Variants in SV2B observed in about 807,000 individuals in gnomAD.
SV2B encodes the protein synaptic vesicle glycoprotein 2B, also known as solute carrier family 22 member B2.
In SV2B, 41 loss-of-function variants were observed where a neutral mutation model predicts 73.9. The ratio of observed to expected loss-of-function variants is 0.56; its 90% CI spans 0.43 to 0.72. The LOEUF (loss-of-function observed/expected upper bound fraction) is 0.72. Ranked by LOEUF, SV2B falls within the 30% of genes least tolerant of loss-of-function variation. The pLI is 0.00. For missense variants in SV2B, 764 were observed against 857.8 expected, an observed-to-expected ratio of 0.89 and a Z score of 1.37; for synonymous variants, 314 against 314.2, an observed-to-expected ratio of 1.00 and a Z score of 0.01.
chr15:91,128,162 C>T lies in SV2B; in HGVS notation c.-392+27799C>T, dbSNP rs1384908875. ...CACCCTCTGGGGACAAATCCCATCA[C>T]CAACTCAGCTCTTTGTGTAGCGGAG... On this transcript the variant is annotated intron_variant, in intron 1 of 12. Transcript: ENST00000394232. This position sits in a 1 kb window ranked among gnomAD's most constrained non-coding sequence, Gnocchi z 4.2. Among the ~76,000 whole-genome samples the T allele has an allele frequency of 6.6e-6, 1 of 152,218 alleles. No individual in the cohort carries two copies. The highest frequency in any genetic ancestry group is 2.4e-5 in the African/African-American group (1 of 41,460).
rs190385206 is a variant in SV2B, at chr15:91,301,472, A to G, written c.*8920A>G. On this transcript the variant is annotated 3_prime_UTR_variant, in exon 13 of 13. Coordinates refer to ENST00000394232, the MANE Select transcript of SV2B (RefSeq NM_001323032.3). This position sits in a 1 kb window ranked among gnomAD's most constrained non-coding sequence, Gnocchi z 4.3. ...TAACAGTTGATCTGGTGATTGGTGA[A>G]TACAGTTTAATCTTTAATACCTTGT... 2.0e-5 allele frequency among the ~76,000 whole-genome samples: 3 copies of G among 152,340 alleles called. No individual in the cohort carries two copies. Among genetic ancestry groups the G allele is most frequent in the Admixed American group, 2.0e-4 (3 of 15,300 alleles).
At position 91,104,582 on chromosome 15, in the gene SV2B, T is replaced by A. The variant is rs528679280; in HGVS notation, c.-392+4219T>A. ...GTACAGATACAGGGAGGGGAAGAAT[T>A]GAGACATTTTGCAATCAATCAATCA... On this transcript the variant is annotated intron_variant, in intron 1 of 12. Coordinates refer to ENST00000394232, the MANE Select transcript of SV2B (RefSeq NM_001323032.3). Among the ~76,000 whole-genome samples, 55 of 152,286 alleles carry A rather than the reference T, an allele frequency of 3.6e-4. 2 individuals carry two copies. In the South Asian group the frequency reaches 0.011, roughly 32 times the overall value.
At chr15:91,275,110 T>C in intron 9 of SV2B, among the ~76,000 whole-genome samples, 1 of 152,192 alleles carries the variant, frequency 6.6e-6, no homozygotes. Flanking sequence ...TCCGTGTGTA[T>C]AGAACATTTA....
rs73518202 is a variant in SV2B, at chr15:91,235,700, A to C, written c.451+8986A>C. Among the ~76,000 whole-genome samples the C allele has an allele frequency of 5.0e-3, 765 of 152,304 alleles. 6 individuals are homozygous for C. The highest frequency in any genetic ancestry group is 0.017 in the African/African-American group (727 of 41,562). ...TTTGTGCCTTTCAGCTTATTCCAAC[A>C]TCAGAGGAGAGAGCCTACTACCAGT... On this transcript the variant is annotated intron_variant, in intron 2 of 12. Coordinates refer to ENST00000394232, the MANE Select transcript of SV2B (RefSeq NM_001323032.3).
rs537161532 is a variant in SV2B at position 91,239,776 on chromosome 15, A to G, written c.452-12043A>G. On this transcript the variant is annotated intron_variant, in intron 2 of 12. Coordinates refer to ENST00000394232, the MANE Select transcript of SV2B (RefSeq NM_001323032.3). This position sits in a 1 kb window ranked among gnomAD's most constrained non-coding sequence, Gnocchi z 5.1. ...CATTATTTATTGATCAAGAATTTTCAAAGTAGGTGGTACCAGAGTTGGTTC... is the reference window on the plus strand; with the variant it reads ...CATTATTTATTGATCAAGAATTTTCGAAGTAGGTGGTACCAGAGTTGGTTC... Among the ~76,000 whole-genome samples, 4 of 152,294 alleles carry G rather than the reference A, an allele frequency of 2.6e-5. No individual in the cohort carries two copies. The highest frequency in any genetic ancestry group is 3.9e-4 in the East Asian group (2 of 5,178).
chr15:91,211,096 C>G (rs1344333121), intron 1 of SV2B, among the ~76,000 whole-genome samples: 1 of 152,190 alleles, frequency 6.6e-6, no homozygotes, highest in Non-Finnish European at 1.5e-5. Context: ...TGTCATTCAG[C>G]AAGGGTCCTG....
At chr15:91,181,605 A>T (rs1260687011) in intron 1 of SV2B, among the ~76,000 whole-genome samples, 1 of 152,020 alleles carries the variant, frequency 6.6e-6, no homozygotes, top group Non-Finnish European at 1.5e-5. Context: ...ATTTCTTACT[A>T]TCCTAAAATT....
rs1193563039 is a variant in SV2B, at chr15:91,268,818, C to A, written c.1373+213C>A. On this transcript the variant is annotated intron_variant, in intron 9 of 12. Transcript: ENST00000394232. The surrounding 1 kb of genome is among the most constrained non-coding windows in gnomAD (Gnocchi z 4.4). ...TGCTGGCTCCCCGACACCCTAATCT[C>A]CTGGTGAGAGCTATTTCATGTGAGG... Among the ~76,000 whole-genome samples, 1 of 152,150 alleles carries A rather than the reference C, an allele frequency of 6.6e-6. No homozygotes were observed. Among genetic ancestry groups the A allele is most frequent in the African/African-American group, 2.4e-5 (1 of 41,426 alleles).
chr15:91,127,555 G>A (rs1402355188), intron 1 of SV2B, among the ~76,000 whole-genome samples: 2 of 152,066 alleles, frequency 1.3e-5, no homozygotes, highest in African/African-American at 4.8e-5. Flanking sequence ...TCCTGATTTC[G>A]GGAAAGAAAA....
At chr15:91,257,714 G>A (rs555507612) in intron 4 of SV2B, among the ~76,000 whole-genome samples, 5 of 152,306 alleles carry the variant, frequency 3.3e-5, no homozygotes, top group East Asian at 1.9e-4. Context: ...GCCCTGGGTC[G>A]TATGAGGCCC....
intron 2 of SV2B, among the ~76,000 whole-genome samples, chr15:91,233,426 G>T (rs1047264371): frequency 6.6e-6 from 1 of 152,156 alleles, no homozygotes; most frequent in Non-Finnish European, 1.5e-5. Flanking sequence ...GGATTTGAAA[G>T]CTTCTGTGTT....
At chr15:91,103,719 G>A (rs1431086731) in intron 1 of SV2B, among the ~76,000 whole-genome samples, 1 of 152,216 alleles carries the variant, frequency 6.6e-6, no homozygotes, top group Non-Finnish European at 1.5e-5. Flanking sequence ...TGAGAACCTA[G>A]TCAAAGTTTC....
rs2049400500 is a variant in SV2B, at chr15:91,300,301, G to C, written c.*7749G>C. On this transcript the variant is annotated 3_prime_UTR_variant, in exon 13 of 13. Transcript: ENST00000394232. ...CAGCTTTTTGGTCCATCTGAATCCTGGAAGTCCCCAACTCTACCAGACCAA... is the reference window on the plus strand; with the variant it reads ...CAGCTTTTTGGTCCATCTGAATCCTCGAAGTCCCCAACTCTACCAGACCAA... The C allele has an allele frequency of 6.6e-6, 1 of 152,146 alleles. No individual in the cohort carries two copies. Among genetic ancestry groups the C allele is most frequent in the Non-Finnish European group, 1.5e-5 (1 of 68,002 alleles). 9.4% of individuals were successfully genotyped at this position (152,146 alleles called of 1,614,324 possible).
At chr15:91,219,648 A>G (rs1266057853) in intron 1 of SV2B, among the ~76,000 whole-genome samples, 1 of 152,100 alleles carries the variant, frequency 6.6e-6, no homozygotes, top group Non-Finnish European at 1.5e-5. Flanking sequence ...CATAAAATCC[A>G]CTCATTGTAA....
chr15:91,160,248 G>A (rs1443803145), intron 1 of SV2B, among the ~76,000 whole-genome samples: 2 of 152,186 alleles, frequency 1.3e-5, no homozygotes, highest in Admixed American at 1.3e-4. Context: ...GATAATAAAT[G>A]TGTGGAAATG....
chr15:91,171,229 G>A (rs1466027974), intron 1 of SV2B, among the ~76,000 whole-genome samples: 2 of 152,150 alleles, frequency 1.3e-5, no homozygotes, highest in Non-Finnish European at 1.5e-5. Context: ...TGTGATCTTA[G>A]GCAAGTGGCT....
chr15:91,171,504 G>T (rs2044121198), intron 1 of SV2B, among the ~76,000 whole-genome samples: 1 of 152,186 alleles, frequency 6.6e-6, no homozygotes, highest in East Asian at 1.9e-4. Flanking sequence ...GCAATAGACT[G>T]CAGTGGACGT....
Position 91,178,692 on chromosome 15 carries a change from A to G in SV2B, c.-391-47181A>G, listed in dbSNP as rs564400534. Among the ~76,000 whole-genome samples, 165 of 151,518 alleles carry G rather than the reference A, an allele frequency of 1.1e-3. 3 individuals carry two copies. In the East Asian group the frequency reaches 0.029, roughly 27 times the overall value. ...AGTTTATTTGCGTAGAGGTGTTTGTAGTATTCTCTGGTGGTAGTTCGTATT... is the reference window on the plus strand; with the variant it reads ...AGTTTATTTGCGTAGAGGTGTTTGTGGTATTCTCTGGTGGTAGTTCGTATT... On this transcript the variant is annotated intron_variant, in intron 1 of 12. Coordinates refer to ENST00000394232, the MANE Select transcript of SV2B (RefSeq NM_001323032.3).
chr15:91,133,870 G>A (rs2042731511), intron 1 of SV2B, among the ~76,000 whole-genome samples: 1 of 152,140 alleles, frequency 6.6e-6, no homozygotes, highest in Non-Finnish European at 1.5e-5. Context: ...ATCACATTTG[G>A]GGTTTTGCAT....
Sources: gnomAD v4.1 joint callset for allele counts (sites outside exome capture counted in the v4.1 genomes callset) on GRCh38, gnomAD v4.1.1 for gene constraint, Gnocchi (gnomAD v3.1) non-coding constraint, MANE v1.5 for transcripts, NCBI Gene and HGNC (gene_info 2026-07-23, HGNC 2026-07-21) for gene names.